The following TLN2 variants were observed in gnomAD, a reference collection of about 807,000 sequenced individuals.
The protein encoded by TLN2 is talin-2.
TLN2 carries 118 observed loss-of-function variants against 294.7 expected under a neutral mutation model. That is an observed-to-expected ratio of 0.40 (90% CI 0.34 to 0.47). TLN2 has a LOEUF of 0.47. Among genes scored for constraint, TLN2 ranks in the 20% least tolerant of loss-of-function variants. TLN2 has a pLI of 0.84. For missense variants in TLN2, 3,083 were observed against 3,282.2 expected, an observed-to-expected ratio of 0.94 and a Z score of 1.48; for synonymous variants, 1,431 against 1,304.5, an observed-to-expected ratio of 1.10 and a Z score of -2.09.
chr15:62,461,131 G>A (rs1182280389), intron 1 of TLN2, among the ~76,000 whole-genome samples: 2 of 152,004 alleles, frequency 1.3e-5, no homozygotes, highest in Non-Finnish European at 2.9e-5. Context: ...GTATTTTTTA[G>A]TAGAGACGGG....
At chr15:62,615,235 G>T (rs972109415) in intron 2 of TLN2, among the ~76,000 whole-genome samples, 5 of 152,170 alleles carry the variant, frequency 3.3e-5, no homozygotes, top group African/African-American at 4.8e-5. Flanking sequence ...ACCTAATTTG[G>T]CAGTAATTTT....
At chr15:62,755,309 A>G (rs1354387265) in intron 36 of TLN2, 1 of 514,252 alleles carries the variant, frequency 1.9e-6, no homozygotes. Context: ...TCCCACCACT[A>G]TGTCAGCACC....
chr15:62,631,557 C>G (rs926324292), intron 3 of TLN2, among the ~76,000 whole-genome samples: 6 of 131,992 alleles, frequency 4.5e-5, no homozygotes, highest in African/African-American at 1.5e-4. Flanking sequence ...CATTCCTTTC[C>G]TTTCCTTTCC....
intron 1 of TLN2, among the ~76,000 whole-genome samples, chr15:62,569,973 G>T (rs1057489885): frequency 6.6e-6 from 1 of 152,114 alleles, no homozygotes; most frequent in Non-Finnish European, 1.5e-5. Context: ...GCCTTGTTCC[G>T]GTCAAGGCTG....
intron 37 of TLN2, among the ~76,000 whole-genome samples, chr15:62,758,945 T>G (rs1387721868): frequency 4.7e-5 from 1 of 21,330 alleles, no homozygotes; most frequent in African/African-American, 5.8e-5. Context: ...ACCCCCAAAG[T>G]CCATGAATCT....
intron 32 of TLN2, among the ~76,000 whole-genome samples, chr15:62,743,662 G>C (rs1037002758): frequency 1.3e-4 from 20 of 152,126 alleles, no homozygotes; most frequent in African/African-American, 4.8e-4. Flanking sequence ...ACCAGGGGCT[G>C]GTCAGGTGCC....
intron 1 of TLN2, among the ~76,000 whole-genome samples, chr15:62,515,362 T>C (rs1440793893): frequency 1.3e-5 from 2 of 152,220 alleles, no homozygotes; most frequent in African/African-American, 2.4e-5. Flanking sequence ...ATTTATCCAT[T>C]TTACTGTCAC....
intron 9 of TLN2, among the ~76,000 whole-genome samples, chr15:62,668,792 G>T (rs777850780): frequency 6.6e-5 from 10 of 152,218 alleles, no homozygotes; most frequent in Non-Finnish European, 1.2e-4. Context: ...GCTGGTGCTT[G>T]TAAAGCACCT....
intron 1 of TLN2, among the ~76,000 whole-genome samples, chr15:62,512,250 G>A (rs989513072): frequency 1.3e-5 from 2 of 152,100 alleles, no homozygotes; most frequent in Non-Finnish European, 2.9e-5. Flanking sequence ...TCTTTTAATG[G>A]TGAAATTACT....
intron 1 of TLN2, among the ~76,000 whole-genome samples, chr15:62,436,083 T>C (rs2035272962): frequency 6.6e-6 from 1 of 152,238 alleles, no homozygotes; most frequent in Admixed American, 6.5e-5. Flanking sequence ...AACACATTTC[T>C]CCGTACTTCC....
At chr15:62,766,543 T>A in intron 41 of TLN2, 121 bp downstream of exon 41, 1 of 879,086 alleles carries the variant, frequency 1.1e-6, no homozygotes. Flanking sequence ...CTGAGTCCAA[T>A]GCTCGTTTAA....
In TLN2 at chr15:62,799,254, G is replaced by A. The variant is rs192592080; in HGVS notation, c.6235-1114G>A. 7.2e-5 allele frequency among the ~76,000 whole-genome samples: 11 copies of A among 152,328 alleles called. No individual in the cohort carries two copies. In the East Asian group the frequency reaches 2.1e-3, roughly 29 times the overall value. Reference sequence around the variant, plus strand: ...AAGGGTTGTGGTTCCCACTCGAAAAGGCAGTGGCGAGGAGTAAATGAGATA... The same window carrying A: ...AAGGGTTGTGGTTCCCACTCGAAAAAGCAGTGGCGAGGAGTAAATGAGATA... On this transcript the variant is annotated intron_variant, in intron 48 of 58. Coordinates refer to ENST00000636159, the MANE Select transcript of TLN2 (RefSeq NM_015059.3).
At chr15:62,540,195 G>A (rs2041597013) in intron 1 of TLN2, among the ~76,000 whole-genome samples, 1 of 151,966 alleles carries the variant, frequency 6.6e-6, no homozygotes, top group African/African-American at 2.4e-5. Flanking sequence ...CAAAAAATTA[G>A]CTGGGCATGG....
At chr15:62,643,405 A>ATTTTTTTTT (rs571288380) in intron 3 of TLN2, among the ~76,000 whole-genome samples, 10 of 90,740 alleles carry the variant, frequency 1.1e-4, no homozygotes, top group Admixed American at 2.3e-4. Context: ...TGGTTCCAGG[A>ATTTTTTTTT]TTTTTTTTTT....
At chr15:62,738,119 T>TTGC in intron 29 of TLN2, 95 bp from the exon 30 acceptor site, 1 of 1,458,708 alleles carries the variant, frequency 6.9e-7, no homozygotes, top group Non-Finnish European at 9.3e-7. Context: ...GTCATTTCCG[T>TTGC]ATCTGCTTCA....
intron 26 of TLN2, among the ~76,000 whole-genome samples, chr15:62,723,582 T>TG: frequency 6.7e-6 from 1 of 150,320 alleles, no homozygotes; most frequent in African/African-American, 2.4e-5. Context: ...CTTGCCCTGT[T>TG]GCACAGACTG....
intron 40 of TLN2, among the ~76,000 whole-genome samples, chr15:62,765,990 G>A (rs760628845): frequency 3.3e-5 from 5 of 152,142 alleles, no homozygotes; most frequent in African/African-American, 9.7e-5. Flanking sequence ...AGAAGTTGTC[G>A]TTCCTTCTTG....
intron 19 of TLN2, among the ~76,000 whole-genome samples, chr15:62,706,120 A>G (rs1231229690): frequency 6.6e-6 from 1 of 152,264 alleles, no homozygotes; most frequent in Non-Finnish European, 1.5e-5. Context: ...ATGAATTAAT[A>G]AAGACTTCTG....
chr15:62,618,922 A>G (rs1010115984), intron 3 of TLN2, among the ~76,000 whole-genome samples: 1 of 152,174 alleles, frequency 6.6e-6, no homozygotes, highest in African/African-American at 2.4e-5. Flanking sequence ...TATAAACTAA[A>G]CTCACACCAT....
Sources: allele counts gnomAD v4.1 joint callset (sites outside exome capture counted in the v4.1 genomes callset), GRCh38; gene constraint gnomAD v4.1.1; transcripts MANE v1.5; gene names NCBI Gene and HGNC (gene_info 2026-07-23, HGNC 2026-07-21).